Variants in XKR6 observed in about 807,000 individuals in gnomAD.
XKR6 encodes XK related 6.
Under a neutral mutation model 56.7 loss-of-function variants are expected in XKR6, and 22 were observed. The observed-to-expected ratio is 0.39, with a 90% CI of 0.28 to 0.55. The LOEUF is 0.55. Among genes scored for constraint, XKR6 ranks in the 20% least tolerant of loss-of-function variants. The pLI is 0.66. For synonymous variants in XKR6, 524 were observed against 387.8 expected (o/e 1.35, Z -4.13); for missense variants, 852 against 889.0 (o/e 0.96, Z 0.53).
At chr8:11,085,965 C>T (rs1048157500) in intron 1 of XKR6, among the ~76,000 whole-genome samples, 6 of 152,028 alleles carry the variant, frequency 3.9e-5, no homozygotes, top group Admixed American at 1.3e-4. Flanking sequence ...CTGCTGTGCT[C>T]ACTAGAATTT....
At chr8:11,166,354 G>T (rs1170146590) in intron 1 of XKR6, among the ~76,000 whole-genome samples, 1 of 152,054 alleles carries the variant, frequency 6.6e-6, no homozygotes, top group African/African-American at 2.4e-5. Flanking sequence ...AGATCACAAG[G>T]CATCTGCTAT....
intron 1 of XKR6, among the ~76,000 whole-genome samples, chr8:11,197,557 G>C (rs1803958828): frequency 6.6e-6 from 1 of 152,162 alleles, no homozygotes; most frequent in Non-Finnish European, 1.5e-5. Context: ...CCCACAAAAA[G>C]CACCTGAAAA....
chr8:10,897,659 T>C lies in XKR6; in HGVS notation c.*293A>G, dbSNP rs1040626820. On this transcript the variant is annotated 3_prime_UTR_variant, in exon 3 of 3. Coordinates refer to ENST00000416569, the MANE Select transcript of XKR6 (RefSeq NM_173683.4). ...CACCCTATGAACCATAGCGTGGGAT[T>C]TTTCAATACTGTTTCTTATGTGTAA... 3 of 286,060 alleles carry C rather than the reference T, an allele frequency of 1.0e-5. No homozygotes were observed. Among genetic ancestry groups the C allele is most frequent in the Non-Finnish European group, 1.9e-5 (3 of 154,704 alleles). The allele number at this position is 286,060 out of a possible 1,614,324, so 17.7% of individuals were successfully genotyped here.
At chr8:11,077,943 G>A (rs1338362544) in intron 1 of XKR6, among the ~76,000 whole-genome samples, 6 of 152,102 alleles carry the variant, frequency 3.9e-5, no homozygotes, top group South Asian at 2.1e-4. Flanking sequence ...ACTGGCCGCC[G>A]GGCTGGCCCT....
chr8:11,073,791 C>G (rs1800195055), intron 1 of XKR6, among the ~76,000 whole-genome samples: 2 of 152,046 alleles, frequency 1.3e-5, no homozygotes, highest in Admixed American at 1.3e-4. Context: ...AGAGAGGGGC[C>G]AGTGAGAAAC....
intron 1 of XKR6, among the ~76,000 whole-genome samples, chr8:11,141,351 C>T (rs1378466543): frequency 6.6e-6 from 1 of 152,066 alleles, no homozygotes; most frequent in Non-Finnish European, 1.5e-5. Flanking sequence ...TCCTTGGGAA[C>T]TAATTAGGTT....
chr8:11,184,386 CATACA>C (rs1803158039), intron 1 of XKR6, among the ~76,000 whole-genome samples: 1 of 110,602 alleles, frequency 9.0e-6, no homozygotes, highest in Middle Eastern at 4.9e-3. Flanking sequence ...TATATACACA[CATACA>C]CACACACACA....
intron 1 of XKR6, among the ~76,000 whole-genome samples, chr8:11,144,402 A>T (rs569085001): frequency 6.6e-6 from 1 of 151,524 alleles, no homozygotes; most frequent in East Asian, 1.9e-4. Context: ...GAAAGTGGAA[A>T]GGAGACAGAG....
At chr8:11,114,273 G>T (rs76618571) in intron 1 of XKR6, among the ~76,000 whole-genome samples, 1 of 152,110 alleles carries the variant, frequency 6.6e-6, no homozygotes, top group Non-Finnish European at 1.5e-5. Context: ...CCTGTTAGCC[G>T]CTGGGTATCG....
chr8:11,165,259 C>G (rs1802013957), intron 1 of XKR6, among the ~76,000 whole-genome samples: 1 of 151,926 alleles, frequency 6.6e-6, no homozygotes, highest in Admixed American at 6.6e-5. Flanking sequence ...ACCACCACAC[C>G]TAGCTAATTT....
chr8:11,008,627 T>G (rs1338881970), intron 1 of XKR6, among the ~76,000 whole-genome samples: 1 of 151,902 alleles, frequency 6.6e-6, no homozygotes, highest in Non-Finnish European at 1.5e-5. Flanking sequence ...ATTACCCAGG[T>G]TGGGCTCAAA....
intron 2 of XKR6, among the ~76,000 whole-genome samples, chr8:10,923,982 G>A (rs1397969852): frequency 6.6e-6 from 1 of 152,208 alleles, no homozygotes; most frequent in Non-Finnish European, 1.5e-5. Flanking sequence ...TCCATGGACT[G>A]TCTCTCACTT....
At chr8:10,964,864 G>A (rs1586364290) in intron 1 of XKR6, among the ~76,000 whole-genome samples, 1 of 152,224 alleles carries the variant, frequency 6.6e-6, no homozygotes, top group East Asian at 1.9e-4. Context: ...CCCTGACATA[G>A]CCCACGTCTG....
At chr8:10,929,641 C>T (rs1390328607) in intron 1 of XKR6, among the ~76,000 whole-genome samples, 5 of 152,254 alleles carry the variant, frequency 3.3e-5, no homozygotes, top group Non-Finnish European at 7.3e-5. Context: ...CCTAACTTCT[C>T]TGAGCCTTAG....
chr8:10,904,004 CA>C (rs1800115647), intron 2 of XKR6, among the ~76,000 whole-genome samples: 1 of 152,220 alleles, frequency 6.6e-6, no homozygotes, highest in Non-Finnish European at 1.5e-5. Flanking sequence ...CACCCAAGCA[CA>C]CAGGAACCGG....
At chr8:11,076,962 G>C (rs1800290203) in intron 1 of XKR6, among the ~76,000 whole-genome samples, 1 of 152,162 alleles carries the variant, frequency 6.6e-6, no homozygotes, top group South Asian at 2.1e-4. Context: ...GATTGCTTGA[G>C]CCCAGGTGTT....
intron 1 of XKR6, chr8:11,124,573 T>A (rs1011930971): frequency 1.3e-5 from 2 of 155,996 alleles, no homozygotes; most frequent in East Asian, 1.9e-4. Flanking sequence ...AAAGCCTAAC[T>A]GTGAGTACAA....
chr8:11,039,186 C>A (rs950727673), intron 1 of XKR6, among the ~76,000 whole-genome samples: 3 of 152,200 alleles, frequency 2.0e-5, no homozygotes, highest in Admixed American at 1.3e-4. Context: ...AAATGCAAAG[C>A]GAAGGGGAGG....
At chr8:10,969,682 G>A (rs1802342680) in intron 1 of XKR6, among the ~76,000 whole-genome samples, 2 of 152,204 alleles carry the variant, frequency 1.3e-5, no homozygotes, top group African/African-American at 4.8e-5. Flanking sequence ...ACTGAGTAAC[G>A]TTCTTTAACA....
Sources: allele counts gnomAD v4.1 joint callset (sites outside exome capture counted in the v4.1 genomes callset), GRCh38; gene constraint gnomAD v4.1.1; transcripts MANE v1.5; gene names NCBI Gene and HGNC (gene_info 2026-07-23, HGNC 2026-07-21).